The following CEP128 variants were observed in gnomAD, a reference collection of about 807,000 sequenced individuals.
CEP128 encodes centrosomal protein 128kDa.
CEP128 carries 132 observed loss-of-function variants against 156.7 expected under a neutral mutation model. That is an observed-to-expected ratio of 0.84 (90% CI 0.73 to 0.97). The LOEUF (loss-of-function observed/expected upper bound fraction) is 0.97. Among genes scored for constraint, CEP128 ranks in the 50% least tolerant of loss-of-function variants. CEP128 has a pLI of 0.00. For missense variants in CEP128, 1,252 were observed against 1,281.9 expected, an observed-to-expected ratio of 0.98 and a Z score of 0.36; for synonymous variants, 469 against 448.9, an observed-to-expected ratio of 1.04 and a Z score of -0.57.
At chr14:80,679,173 T>A (rs1033243118) in intron 19 of CEP128, among the ~76,000 whole-genome samples, 1 of 152,148 alleles carries the variant, frequency 6.6e-6, no homozygotes, top group Admixed American at 6.5e-5. Context: ...TTGTAGAACA[T>A]GTGTGTTTGA....
At position 80,497,569 on chromosome 14, in the gene CEP128, T is replaced by G. The variant is rs577489472; in HGVS notation, c.3195A>C (p.Arg1065Ser). Residue 1065 changes from arginine (R) to serine (S), a missense_variant, in exon 25 of 25, where the codon AGA (arginine) becomes AGC (serine). Coordinates refer to ENST00000555265, the MANE Select transcript of CEP128 (RefSeq NM_152446.5). ...TTGAAGCTGAATCTGGAGCAACAGT[T>G]CTTTTGGTAAATGCTGGCAAGGTAA... ...RFSYVNSFTK[R>S]TVAPDSASNK... The G allele has an allele frequency of 3.1e-6, 5 of 1,612,182 alleles. No homozygotes were observed. The highest frequency in any genetic ancestry group is 1.3e-5 in the African/African-American group (1 of 74,988).
At chr14:80,900,325 AAGAG>A (rs1385976236) in intron 6 of CEP128, among the ~76,000 whole-genome samples, 3 of 152,198 alleles carry the variant, frequency 2.0e-5, no homozygotes, top group Non-Finnish European at 2.9e-5. Flanking sequence ...AAAAAGAAAA[AAGAG>A]AGAGCGAGAA....
rs371874766 is a variant in CEP128 at position 80,706,274 on chromosome 14, T to A, written c.2806+36801A>T. ...CATACCATCTTTCAAGAATGAAGAA[T>A]GAAATCTTACAAAGAGATCCCTGTA... On this transcript the variant is annotated intron_variant, in intron 19 of 24. Transcript: ENST00000555265. 1.1e-4 allele frequency among the ~76,000 whole-genome samples: 17 copies of A among 152,268 alleles called. No individual in the cohort carries two copies. The South Asian group carries it at 2.1e-3, about 19-fold the overall frequency.
intron 19 of CEP128, among the ~76,000 whole-genome samples, chr14:80,650,192 T>C (rs1016851072): frequency 1.3e-5 from 2 of 152,202 alleles, no homozygotes; most frequent in Non-Finnish European, 2.9e-5. Context: ...TGAATGGGAG[T>C]TCACTCATGA....
At chr14:80,826,779 A>C (rs1020624386) in intron 13 of CEP128, among the ~76,000 whole-genome samples, 4 of 151,706 alleles carry the variant, frequency 2.6e-5, no homozygotes, top group African/African-American at 9.7e-5. Context: ...CTTTCTTTGA[A>C]GTTCTTTCTT....
At chr14:80,863,116 ATTTT>A (rs1887599593) in intron 8 of CEP128, among the ~76,000 whole-genome samples, 1 of 152,206 alleles carries the variant, frequency 6.6e-6, no homozygotes, top group African/African-American at 2.4e-5. Context: ...AATGCCTCAA[ATTTT>A]TTGAGGTATG....
chr14:80,852,926 C>T, intron 9 of CEP128, among the ~76,000 whole-genome samples: 1 of 151,682 alleles, frequency 6.6e-6, no homozygotes, highest in South Asian at 2.1e-4. Context: ...GTTAATTCAG[C>T]AATGTATAAA....
intron 13 of CEP128, among the ~76,000 whole-genome samples, chr14:80,814,212 A>C (rs1481773073): frequency 6.6e-6 from 1 of 152,042 alleles, no homozygotes; most frequent in Non-Finnish European, 1.5e-5. Context: ...GAATTGATGT[A>C]TTTTCTCTTC....
At chr14:80,866,382 C>T (rs1887770307) in intron 8 of CEP128, among the ~76,000 whole-genome samples, 1 of 152,126 alleles carries the variant, frequency 6.6e-6, no homozygotes, top group Admixed American at 6.5e-5. Flanking sequence ...GCCAGGCCAG[C>T]CCCAGAGGAG....
At position 80,721,650 on chromosome 14, in the gene CEP128, T is replaced by C. The variant is rs114314183; in HGVS notation, c.2806+21425A>G. Among the ~76,000 whole-genome samples, 910 of 152,320 alleles carry C rather than the reference T, an allele frequency of 6.0e-3. 7 individuals carry two copies. The highest frequency in any genetic ancestry group is 0.021 in the African/African-American group (855 of 41,564). ...AAACTATACATGTAGCTCATGTTTG[T>C]CTTGTTATGTTTCTTTTATACAGCA... On this transcript the variant is annotated intron_variant, in intron 19 of 24. Transcript: ENST00000555265.
At chr14:80,516,799 G>C (rs987561443) in intron 23 of CEP128, among the ~76,000 whole-genome samples, 1 of 152,166 alleles carries the variant, frequency 6.6e-6, no homozygotes, top group Non-Finnish European at 1.5e-5. Context: ...CTCCCACCAC[G>C]TGGCTGCTGC....
intron 19 of CEP128, among the ~76,000 whole-genome samples, chr14:80,633,856 A>G (rs559182823): frequency 6.6e-6 from 1 of 152,334 alleles, no homozygotes; most frequent in South Asian, 2.1e-4. Context: ...TGGTATTAAA[A>G]AAATGTGAAT....
chr14:80,757,074 A>G (rs1899703859), intron 17 of CEP128, 123 bp from the exon 18 acceptor site: 1 of 636,668 alleles, frequency 1.6e-6, no homozygotes, highest in African/African-American at 1.9e-5. Flanking sequence ...AAAAAGAAAA[A>G]TTGTTGCCCC....
intron 19 of CEP128, among the ~76,000 whole-genome samples, chr14:80,656,291 TTATATATATATATATATATATATATATA>T (rs1159139132): frequency 1.6e-4 from 4 of 25,704 alleles, no homozygotes; most frequent in East Asian, 1.5e-3. Context: ...ATATATATAT[TTATATATATATATATATATATATATATA>T]TATATATATA....
chr14:80,911,518 C>T (rs1566710767), intron 4 of CEP128, among the ~76,000 whole-genome samples: 1 of 152,060 alleles, frequency 6.6e-6, no homozygotes, highest in Admixed American at 6.5e-5. Context: ...AATAAGTAAA[C>T]AAATAAAATT....
intron 16 of CEP128, among the ~76,000 whole-genome samples, chr14:80,770,598 AT>A (rs1900464334): frequency 6.6e-6 from 1 of 152,190 alleles, no homozygotes; most frequent in South Asian, 2.1e-4. Context: ...AAAATGTATC[AT>A]TTGCCTTCAA....
At chr14:80,488,715 CAA>C (rs1353794945), downstream of CEP128, among the ~76,000 whole-genome samples, 4 of 152,198 alleles carry the variant, frequency 2.6e-5, no homozygotes, top group East Asian at 3.9e-4. Flanking sequence ...TTCAAAATAG[CAA>C]AGACTTGGAA....
chr14:80,743,245 T>C lies in CEP128; in HGVS notation c.2636A>G (p.Glu879Gly), dbSNP rs747623299. ...ESKTKLQWLC[E>G]ELKERENREK... is the part of the protein sequence containing the mutation. ...TCTGTTTTCTCTCTCTTTCAGTTCC[T>C]CACAGAGCCACTGAAGTTTAGTCTA... is the stretch of plus-strand genomic sequence containing the variant. Residue 879 changes from glutamate (E) to glycine (G), a missense_variant, in exon 19 of 25, where the codon GAG becomes GGG. Coordinates refer to ENST00000555265, the MANE Select transcript of CEP128 (RefSeq NM_152446.5). The C allele has an allele frequency of 8.1e-6, 13 of 1,612,772 alleles. No individual in the cohort carries two copies. In the Admixed American group the frequency reaches 1.7e-4, roughly 21 times the overall value.
intron 19 of CEP128, among the ~76,000 whole-genome samples, chr14:80,647,591 C>T (rs576728863): frequency 6.6e-6 from 1 of 151,912 alleles, no homozygotes; most frequent in African/African-American, 2.4e-5. Context: ...ACTTTTGAGA[C>T]CTACTGTTGC....
Sources: allele counts gnomAD v4.1 joint callset (sites outside exome capture counted in the v4.1 genomes callset), GRCh38; gene constraint gnomAD v4.1.1; transcripts MANE v1.5; gene names NCBI Gene and HGNC (gene_info 2026-07-23, HGNC 2026-07-21).